Variants in PARP6 observed in about 807,000 individuals in gnomAD.
The protein encoded by PARP6 is poly(ADP-ribose) polymerase family member 6, also known as protein mono-ADP-ribosyltransferase PARP6.
In PARP6, 27 loss-of-function variants were observed where a neutral mutation model predicts 92.0. The observed-to-expected ratio is 0.29, with a 90% CI of 0.22 to 0.40. The LOEUF is 0.40. Among genes scored for constraint, PARP6 ranks in the 10% least tolerant of loss-of-function variants. PARP6 has a pLI of 1.00. For missense variants in PARP6, 501 were observed against 784.5 expected (o/e 0.64, Z 4.32); for synonymous variants, 272 against 281.2 (o/e 0.97, Z 0.33).
intron 11 of PARP6, among the ~76,000 whole-genome samples, chr15:72,259,406 T>G (rs1012641382): frequency 6.6e-6 from 1 of 152,240 alleles, no homozygotes; most frequent in African/African-American, 2.4e-5. Context: ...CATTGGCACT[T>G]GATCATAAGT....
chr15:72,261,426 G>T, intron 9 of PARP6, 132 bp downstream of exon 9: 2 of 781,048 alleles, frequency 2.6e-6, no homozygotes, highest in Non-Finnish European at 2.2e-6. Flanking sequence ...ACAGGACCAT[G>T]TGAGTGGTGT....
intron 20 of PARP6, chr15:72,245,521 G>C (rs1284463268): frequency 6.6e-6 from 1 of 152,174 alleles, no homozygotes. Flanking sequence ...CAATGGCCTA[G>C]AAATTAGGAG....
Position 72,242,099 on chromosome 15 carries a change from T to C in PARP6, c.1705+58A>G. ...CTCTTGGCCAGATCATGTGCCAAAATTACATCAGAAACAAAGGTTAGAGAC... is the reference window on the plus strand; with the variant it reads ...CTCTTGGCCAGATCATGTGCCAAAACTACATCAGAAACAAAGGTTAGAGAC... On this transcript the variant is annotated intron_variant, in intron 22 of 23. Transcript: ENST00000569795. This position sits in a 1 kb window ranked among gnomAD's most constrained non-coding sequence, Gnocchi z 4.3. The C allele has an allele frequency of 1.9e-6, 3 of 1,547,354 alleles. No individual in the cohort carries two copies. The South Asian group carries it at 3.3e-5, about 17-fold the overall frequency.
intron 20 of PARP6, chr15:72,244,894 C>G (rs1396825666): frequency 6.4e-6 from 1 of 155,676 alleles, no homozygotes; most frequent in Admixed American, 6.5e-5. Context: ...AATGGACTTA[C>G]AGTTCCACAT....
At chr15:72,254,246 T>C (rs982545832) in intron 15 of PARP6, among the ~76,000 whole-genome samples, 2 of 151,924 alleles carry the variant, frequency 1.3e-5, no homozygotes, top group Non-Finnish European at 2.9e-5. Flanking sequence ...AAGGTAAAGA[T>C]TGAGACACAA....
At chr15:72,262,464 T>C (rs1239567184) in intron 8 of PARP6, among the ~76,000 whole-genome samples, 1 of 152,190 alleles carries the variant, frequency 6.6e-6, no homozygotes, top group African/African-American at 2.4e-5. Flanking sequence ...GACCATGATG[T>C]GTCAATCATT....
At chr15:72,265,015 G>A in intron 7 of PARP6, 66 bp downstream of exon 7, 1 of 1,076,986 alleles carries the variant, frequency 9.3e-7, no homozygotes, top group Non-Finnish European at 1.4e-6. Context: ...TTCTACCTCA[G>A]TTAACTTAGG....
At chr15:72,248,727 C>T (rs1230251956) in intron 20 of PARP6, among the ~76,000 whole-genome samples, 1 of 152,142 alleles carries the variant, frequency 6.6e-6, no homozygotes, top group Non-Finnish European at 1.5e-5. Flanking sequence ...AGAATCTGGA[C>T]CTCATCTTTA....
At position 72,265,403 on chromosome 15, in the gene PARP6, C is replaced by T; in HGVS notation, c.237+10G>A. On this transcript the variant is annotated intron_variant, in intron 6 of 23. Transcript: ENST00000569795. ...TAGACATGTTGTTGGCAGGTACTAG[C>T]CCCACTTACATCGAGGAAGCTGATG... 6.2e-7 allele frequency: 1 copy of T among 1,610,646 alleles called. No individual in the cohort carries two copies. Among genetic ancestry groups the T allele is most frequent in the Non-Finnish European group, 8.5e-7 (1 of 1,176,812 alleles).
At chr15:72,258,879 AT>A (rs2141020742) in intron 11 of PARP6, among the ~76,000 whole-genome samples, 1 of 152,350 alleles carries the variant, frequency 6.6e-6, no homozygotes, top group East Asian at 1.9e-4. Context: ...CTGAATGCCC[AT>A]TATGTACCCA....
intron 17 of PARP6, 31 bp downstream of exon 17, chr15:72,251,176 T>C (rs759586622): frequency 2.0e-6 from 3 of 1,485,862 alleles, no homozygotes; most frequent in Non-Finnish European, 2.8e-6. Context: ...ACCAGAAATT[T>C]AAAGCATTTA....
intron 11 of PARP6, among the ~76,000 whole-genome samples, chr15:72,258,980 A>G (rs766229858): frequency 2.6e-5 from 4 of 152,222 alleles, no homozygotes; most frequent in Non-Finnish European, 5.9e-5. Flanking sequence ...TGGCATGTTT[A>G]TAAATTAATA....
intron 20 of PARP6, among the ~76,000 whole-genome samples, chr15:72,247,180 T>C (rs1433343973): frequency 2.6e-5 from 4 of 152,166 alleles, no homozygotes; most frequent in Non-Finnish European, 5.9e-5. Flanking sequence ...GTTTTAAATT[T>C]TTTTTCTTTT....
chr15:72,241,853 C>T lies in PARP6; in HGVS notation c.1790+48G>A. The T allele has an allele frequency of 1.5e-6, 2 of 1,364,204 alleles. No individual in the cohort carries two copies. Among genetic ancestry groups the T allele is most frequent in the Non-Finnish European group, 2.1e-6 (2 of 952,850 alleles). 84.5% of individuals were successfully genotyped at this position (1,364,204 alleles called of 1,614,324 possible). On this transcript the variant is annotated intron_variant, in intron 23 of 23. Transcript: ENST00000569795. This position sits in a 1 kb window ranked among gnomAD's most constrained non-coding sequence, Gnocchi z 4.1. The stretch of plus-strand genomic sequence containing the variant: ...TCCCAGTAGCCACACACCATCACAC[C>T]CCCAACCTCACTCCTCGAGTAATCC...
chr15:72,252,912 G>A (rs2084565868), intron 16 of PARP6, among the ~76,000 whole-genome samples: 1 of 152,142 alleles, frequency 6.6e-6, no homozygotes, highest in Non-Finnish European at 1.5e-5. Context: ...TGCACATCGT[G>A]GCTCACAGCT....
Position 72,260,681 on chromosome 15 carries a change from T to C in PARP6, c.553A>G (p.Ser185Gly), listed in dbSNP as rs762181853. The C allele has an allele frequency of 1.9e-6, 3 of 1,611,158 alleles. No individual in the cohort carries two copies. The African/African-American group carries it at 4.0e-5, about 22-fold the overall frequency. ...SIFSPIPKSP[S>G]FPIIQDSMLK... ...ATGGAGTCCTGTATGATAGGGAAAC[T>C]GGGAGACCTGCAGAGAGAGAGCAAA... Residue 185 changes from serine to glycine, a missense_variant, in exon 10 of 24, where the codon AGT becomes GGT. Physicochemically the swap from Ser to Gly is moderately conservative, Grantham distance 56. Around this residue, in one of 4 missense-constraint regions of PARP6, gnomAD observed 291 missense variants for 352.0 expected, o/e 0.83. Transcript: ENST00000569795.
At chr15:72,262,499 C>A (rs373510190) in intron 8 of PARP6, among the ~76,000 whole-genome samples, 101 of 152,256 alleles carry the variant, frequency 6.6e-4, no homozygotes, top group Middle Eastern at 3.4e-3. Flanking sequence ...GTTCCTTTCC[C>A]AAAGTCAACA....
chr15:72,253,693 A>G (rs2084672765), intron 15 of PARP6, 189 bp from the exon 16 acceptor site: 2 of 680,034 alleles, frequency 2.9e-6, no homozygotes, highest in Non-Finnish European at 2.7e-6. Flanking sequence ...AATAAATATG[A>G]AAATGACTGA....
At chr15:72,267,289 G>A (rs1012773166) in intron 3 of PARP6, 186 bp downstream of exon 3, 1 of 637,420 alleles carries the variant, frequency 1.6e-6, no homozygotes, top group Non-Finnish European at 2.8e-6. Context: ...CCCTCCCCAA[G>A]AAAACCCACT....
Sources: allele counts gnomAD v4.1 joint callset (sites outside exome capture counted in the v4.1 genomes callset), GRCh38; gene constraint gnomAD v4.1.1; regional missense constraint gnomAD v4.1.1; non-coding constraint Gnocchi (gnomAD v3.1); transcripts MANE v1.5; gene names NCBI Gene and HGNC (gene_info 2026-07-23, HGNC 2026-07-21).